The following KIRREL3 variants were observed in gnomAD, a reference collection of about 807,000 sequenced individuals.
The protein encoded by KIRREL3 is kirre like nephrin family adhesion molecule 3.
Under a neutral mutation model 89.7 loss-of-function variants are expected in KIRREL3, and 36 were observed. That is an observed-to-expected ratio of 0.40 (90% CI 0.31 to 0.53). The LOEUF (loss-of-function observed/expected upper bound fraction) is 0.53. Ranked by LOEUF, KIRREL3 falls within the 20% of genes least tolerant of loss-of-function variation. The pLI, the probability that KIRREL3 is intolerant of heterozygous loss-of-function variation, is 0.49. For synonymous variants in KIRREL3, 445 were observed against 441.4 expected, an observed-to-expected ratio of 1.01 and a Z score of -0.10; for missense variants, 864 against 1,056.6, an observed-to-expected ratio of 0.82 and a Z score of 2.53.
intron 7 of KIRREL3, among the ~76,000 whole-genome samples, chr11:126,451,581 T>TGC (rs551939492): frequency 0.049 from 7,303 of 150,138 alleles, 378 homozygotes; most frequent in East Asian, 0.25. Context: ...CATGTGTGTG[T>TGC]GCGTGTGTGT....
chr11:126,630,889 CT>C (rs1336212065), intron 1 of KIRREL3, among the ~76,000 whole-genome samples: 1 of 152,172 alleles, frequency 6.6e-6, no homozygotes, highest in South Asian at 2.1e-4. Context: ...CCTGATCACT[CT>C]TTCACAGACG....
chr11:126,644,030 C>T (rs1178553345), intron 1 of KIRREL3, among the ~76,000 whole-genome samples: 1 of 152,168 alleles, frequency 6.6e-6, no homozygotes, highest in Non-Finnish European at 1.5e-5. Context: ...AACTATGTGC[C>T]TACAGTCCAG....
chr11:126,825,807 T>TA (rs1307494234), intron 1 of KIRREL3, among the ~76,000 whole-genome samples: 2 of 152,102 alleles, frequency 1.3e-5, no homozygotes, highest in East Asian at 3.9e-4. Flanking sequence ...GTTTCACAGA[T>TA]AAAAAAACTG....
Position 126,576,423 on chromosome 11 carries a change from G to T in KIRREL3, c.56-13511C>A, listed in dbSNP as rs1247845350. Among the ~76,000 whole-genome samples the T allele has an allele frequency of 2.6e-5, 4 of 152,176 alleles. No individual in the cohort carries two copies. The highest frequency in any genetic ancestry group is 9.7e-5 in the African/African-American group (4 of 41,446). On this transcript the variant is annotated intron_variant, in intron 1 of 16. Transcript: ENST00000525144. The surrounding 1 kb of genome is among the most constrained non-coding windows in gnomAD (Gnocchi z 5.4). Reference sequence around the variant, plus strand: ...ACTCTGTGTCAGTTCTGGCTGTTATGGATATTGTGATGAACAAGACAGAGA... The same window carrying T: ...ACTCTGTGTCAGTTCTGGCTGTTATTGATATTGTGATGAACAAGACAGAGA...
chr11:126,533,326 T>A (rs1959000583), intron 2 of KIRREL3, among the ~76,000 whole-genome samples: 1 of 152,210 alleles, frequency 6.6e-6, no homozygotes, highest in Non-Finnish European at 1.5e-5. Flanking sequence ...CTTCGCCCAC[T>A]GTGCCTCTAG....
Position 126,428,321 on chromosome 11 carries a change from TC to T in KIRREL3, c.1806+857del, listed in dbSNP as rs144114757. Among the ~76,000 whole-genome samples the T allele has an allele frequency of 0.028, 4,243 of 152,270 alleles. 84 individuals carry two copies. Among genetic ancestry groups the T allele is most frequent in the Middle Eastern group, 0.051 (15 of 294 alleles). ...CAACCAGAAACTTCTAGCATGGTTG[TC>T]CAGGTTTCTGCTTGGACAACTAGGT... On this transcript the variant is annotated intron_variant, in intron 15 of 16. Coordinates refer to ENST00000525144, the MANE Select transcript of KIRREL3 (RefSeq NM_032531.4). The surrounding 1 kb of genome is among the most constrained non-coding windows in gnomAD (Gnocchi z 6.4).
At chr11:126,885,707 C>T (rs1945669515) in intron 1 of KIRREL3, among the ~76,000 whole-genome samples, 1 of 152,196 alleles carries the variant, frequency 6.6e-6, no homozygotes, top group South Asian at 2.1e-4. Context: ...GAGAGTATCA[C>T]TTAGCTGAAG....
Position 126,876,327 on chromosome 11 carries a change from C to T in KIRREL3, c.55+124128G>A, listed in dbSNP as rs546585504. On this transcript the variant is annotated intron_variant, in intron 1 of 16. Coordinates refer to ENST00000525144, the MANE Select transcript of KIRREL3 (RefSeq NM_032531.4). This position sits in a 1 kb window ranked among gnomAD's most constrained non-coding sequence, Gnocchi z 4.1. Reference sequence around the variant, plus strand: ...GACTCAGTTTCTCAGCCTGAAGGCACGGACTACAGAAAGGGAAAATGTGGA... The same window carrying T: ...GACTCAGTTTCTCAGCCTGAAGGCATGGACTACAGAAAGGGAAAATGTGGA... Among the ~76,000 whole-genome samples the T allele has an allele frequency of 6.9e-4, 105 of 152,140 alleles. No homozygotes were observed. Among genetic ancestry groups the T allele is most frequent in the African/African-American group, 2.4e-3 (100 of 41,484 alleles).
At position 126,771,859 on chromosome 11, in the gene KIRREL3, C is replaced by G. The variant is rs746157938; in HGVS notation, c.56-208947G>C. The stretch of plus-strand genomic sequence containing the variant: ...CAGACATCTACCCTGAAATAGAGAC[C>G]TGAAGTTCATCTCTGCAATTCCTTT... On this transcript the variant is annotated intron_variant, in intron 1 of 16. Transcript: ENST00000525144. The surrounding 1 kb of genome is among the most constrained non-coding windows in gnomAD (Gnocchi z 4.4). Among the ~76,000 whole-genome samples, 1 of 152,228 alleles carries G rather than the reference C, an allele frequency of 6.6e-6. No individual in the cohort carries two copies. The highest frequency in any genetic ancestry group is 1.5e-5 in the Non-Finnish European group (1 of 68,040).
At chr11:126,730,237 A>T (rs1437062785) in intron 1 of KIRREL3, among the ~76,000 whole-genome samples, 1 of 152,114 alleles carries the variant, frequency 6.6e-6, no homozygotes, top group African/African-American at 2.4e-5. Flanking sequence ...AGCCCCATCC[A>T]CATGGGGGCC....
Position 126,568,428 on chromosome 11 carries a change from AC to A in KIRREL3, c.56-5517del, listed in dbSNP as rs1281673921. Among the ~76,000 whole-genome samples, 1 of 152,196 alleles carries A rather than the reference AC, an allele frequency of 6.6e-6. No individual in the cohort carries two copies. The highest frequency in any genetic ancestry group is 1.5e-5 in the Non-Finnish European group (1 of 68,038). ...CCAGAGATCAGAAAGCAAGGGAAGG[AC>A]CCTCAGTTTTATCCTGACATTCATC... On this transcript the variant is annotated intron_variant, in intron 1 of 16. Transcript: ENST00000525144. The surrounding 1 kb of genome is among the most constrained non-coding windows in gnomAD (Gnocchi z 4.6).
At chr11:126,907,781 T>C (rs1203250185) in intron 1 of KIRREL3, among the ~76,000 whole-genome samples, 1 of 151,906 alleles carries the variant, frequency 6.6e-6, no homozygotes, top group Non-Finnish European at 1.5e-5. Flanking sequence ...CCCTGCAACC[T>C]CATCTCCTCC....
rs762960853 is a variant in KIRREL3, at chr11:126,448,990, C to T, written c.997+19G>A. 1.9e-6 allele frequency: 3 copies of T among 1,587,862 alleles called. No homozygotes were observed. The South Asian group carries it at 3.4e-5, about 18-fold the overall frequency. ...GTGGATGCCTGCTCGCCTGGGGAAG[C>T]CTGCACCACTGCACTCACAGTAGAC... On this transcript the variant is annotated intron_variant, in intron 8 of 16. Coordinates refer to ENST00000525144, the MANE Select transcript of KIRREL3 (RefSeq NM_032531.4).
Position 126,908,758 on chromosome 11 carries a change from AG to A in KIRREL3, c.55+91696del. ...TCTGCTTTTATGGGGCCTATAGTCTAGGTAGGAAGATAAATGTCGAACAAAG... is the reference window on the plus strand; with the variant it reads ...TCTGCTTTTATGGGGCCTATAGTCTAGTAGGAAGATAAATGTCGAACAAAG... On this transcript the variant is annotated intron_variant, in intron 1 of 16. Transcript: ENST00000525144. This position sits in a 1 kb window ranked among gnomAD's most constrained non-coding sequence, Gnocchi z 4.2. Among the ~76,000 whole-genome samples, 1 of 152,166 alleles carries A rather than the reference AG, an allele frequency of 6.6e-6. No individual in the cohort carries two copies. Among genetic ancestry groups the A allele is most frequent in the East Asian group, 1.9e-4 (1 of 5,194 alleles).
chr11:126,956,181 T>C (rs1948917003), intron 1 of KIRREL3, among the ~76,000 whole-genome samples: 2 of 152,176 alleles, frequency 1.3e-5, no homozygotes, highest in African/African-American at 4.8e-5. Flanking sequence ...ACTTACTTAC[T>C]CAACCAATGA....
At position 126,710,911 on chromosome 11, in the gene KIRREL3, A is replaced by C. The variant is rs1007527072; in HGVS notation, c.56-147999T>G. 2.6e-5 allele frequency among the ~76,000 whole-genome samples: 4 copies of C among 152,188 alleles called. No individual in the cohort carries two copies. Among genetic ancestry groups the C allele is most frequent in the Non-Finnish European group, 5.9e-5 (4 of 68,030 alleles). ...AATTAATGTCTTGACAGTAGTCTCA[A>C]CCTGATAGGCCTCTTCACAATGTGC... is the stretch of plus-strand genomic sequence containing the variant. On this transcript the variant is annotated intron_variant, in intron 1 of 16. Coordinates refer to ENST00000525144, the MANE Select transcript of KIRREL3 (RefSeq NM_032531.4). This position sits in a 1 kb window ranked among gnomAD's most constrained non-coding sequence, Gnocchi z 4.2.
chr11:126,902,991 A>T (rs557464469), intron 1 of KIRREL3, among the ~76,000 whole-genome samples: 63 of 151,894 alleles, frequency 4.1e-4, no homozygotes, highest in Middle Eastern at 6.8e-3. Context: ...TACTTTTTTT[A>T]AAAAAAAGGA....
intron 7 of KIRREL3, among the ~76,000 whole-genome samples, chr11:126,452,059 G>C (rs936859889): frequency 1.3e-5 from 2 of 151,954 alleles, no homozygotes; most frequent in Admixed American, 1.3e-4. Context: ...TCTTGCCTCC[G>C]TCTGACCCAT....
At position 126,640,362 on chromosome 11, in the gene KIRREL3, GCACACA is replaced by G. The variant is rs1475642985; in HGVS notation, c.56-77456_56-77451del. On this transcript the variant is annotated intron_variant, in intron 1 of 16. Coordinates refer to ENST00000525144, the MANE Select transcript of KIRREL3 (RefSeq NM_032531.4). The surrounding 1 kb of genome is among the most constrained non-coding windows in gnomAD (Gnocchi z 4.9). ...CACACACAGACGCGCGTGTGCGCGC[GCACACA>G]CACGCACACGCGCACACACAGAATT... 4.6e-5 allele frequency among the ~76,000 whole-genome samples: 7 copies of G among 151,810 alleles called. No individual in the cohort carries two copies. In the East Asian group the frequency reaches 1.2e-3, roughly 25 times the overall value.
Sources: gnomAD v4.1 joint callset for allele counts (sites outside exome capture counted in the v4.1 genomes callset) on GRCh38, gnomAD v4.1.1 for gene constraint, Gnocchi (gnomAD v3.1) non-coding constraint, MANE v1.5 for transcripts, NCBI Gene and HGNC (gene_info 2026-07-23, HGNC 2026-07-21) for gene names.